The following MINK1 variants were observed in gnomAD, a reference collection of about 807,000 sequenced individuals.
MINK1 encodes the protein misshapen like kinase 1.
A neutral mutation model predicts 178.4 loss-of-function variants in MINK1; 46 were observed. That is an observed-to-expected ratio of 0.26 (90% CI 0.20 to 0.33). The LOEUF is 0.33. MINK1 is among the 10% of genes least tolerant of loss of function. The pLI is 1.00. For missense variants in MINK1, 1,366 were observed against 1,814.9 expected (o/e 0.75, Z 4.49); for synonymous variants, 797 against 709.7 (o/e 1.12, Z -1.96).
intron 1 of MINK1, among the ~76,000 whole-genome samples, chr17:4,877,584 T>C (rs2150976410): frequency 6.6e-6 from 1 of 152,208 alleles, no homozygotes; most frequent in Non-Finnish European, 1.5e-5. Flanking sequence ...AAGATAATAA[T>C]AATGGTCATT....
intron 17 of MINK1, 52 bp downstream of exon 17, chr17:4,892,286 A>G: frequency 6.6e-7 from 1 of 1,517,430 alleles, no homozygotes; most frequent in South Asian, 1.2e-5. Flanking sequence ...CAGCCTAGGG[A>G]GTAGGGGGGG....
At chr17:4,883,554 CAG>C (rs1432291268) in intron 4 of MINK1, among the ~76,000 whole-genome samples, 2 of 151,718 alleles carry the variant, frequency 1.3e-5, no homozygotes, top group Non-Finnish European at 2.9e-5. Flanking sequence ...TTTTTTGAGA[CAG>C]AGTCTCACTC....
chr17:4,833,363 C>T lies in MINK1; in HGVS notation c.-221C>T. ...CCAGTGCGCGGTCGCTCCGCGCCTG[C>T]GCAGGAGAGGTGGTAGGCTCGGGTG... On this transcript the variant is annotated 5_prime_UTR_variant, in exon 1 of 32. Transcript: ENST00000355280. The surrounding 1 kb of genome is among the most constrained non-coding windows in gnomAD (Gnocchi z 4.8). 2.0e-6 allele frequency: 1 copy of T among 497,804 alleles called. No individual in the cohort carries two copies. Among genetic ancestry groups the T allele is most frequent in the East Asian group, 3.7e-5 (1 of 27,280 alleles). 30.8% of individuals were successfully genotyped at this position (497,804 alleles called of 1,614,324 possible).
intron 1 of MINK1, among the ~76,000 whole-genome samples, chr17:4,869,220 G>A (rs893277292): frequency 4.7e-5 from 7 of 150,190 alleles, no homozygotes; most frequent in South Asian, 4.2e-4. Flanking sequence ...CACCGCTCCC[G>A]GCCTAATTTT....
intron 1 of MINK1, among the ~76,000 whole-genome samples, chr17:4,850,670 C>G (rs182313060): frequency 1.3e-5 from 2 of 152,160 alleles, no homozygotes; most frequent in African/African-American, 4.8e-5. Flanking sequence ...TTCTGGAATT[C>G]GAAATCATAT....
chr17:4,894,195 C>G lies in MINK1; in HGVS notation c.2692C>G (p.Leu898Val), dbSNP rs1261696134. Residue 898 changes from leucine (L) to valine (V), a missense_variant, in exon 23 of 32, where the codon CTG becomes GTG. Leu to Val is a conservative substitution (Grantham distance 32). This residue lies in a region of MINK1 where 709 missense variants were observed against 692.3 expected (regional missense o/e 1.02). Transcript: ENST00000355280. This position sits in a 1 kb window ranked among gnomAD's most constrained non-coding sequence, Gnocchi z 4.1. ...VQRTPEEERN[L>V]LHADSNGYTN... is the part of the protein sequence containing the mutation. ...GTAGACCCCTGAAGAGGAGCGGAAC[C>G]TGCTGCATGCTGACAGCAATGGGTA... 3 of 1,613,604 alleles carry G rather than the reference C, an allele frequency of 1.9e-6. No homozygotes were observed. Among genetic ancestry groups the G allele is most frequent in the Non-Finnish European group, 2.5e-6 (3 of 1,179,846 alleles).
Position 4,887,004 on chromosome 17 carries a change from A to C in MINK1, c.950-106A>C. 1 of 1,240,552 alleles carries C rather than the reference A, an allele frequency of 8.1e-7. No individual in the cohort carries two copies. The highest frequency in any genetic ancestry group is 1.1e-6 in the Non-Finnish European group (1 of 884,448). The allele number at this position is 1,240,552 out of a possible 1,614,324, so 76.8% of individuals were successfully genotyped here. ...CCCCAGGAAGTGGGTGGGGCCCCTC[A>C]TGCTTGCCCAGCCAGAGAGACCTGG... On this transcript the variant is annotated intron_variant, in intron 10 of 31. Coordinates refer to ENST00000355280, the MANE Select transcript of MINK1 (RefSeq NM_153827.5). This position sits in a 1 kb window ranked among gnomAD's most constrained non-coding sequence, Gnocchi z 7.6.
chr17:4,872,587 A>T (rs1026268282), intron 1 of MINK1, among the ~76,000 whole-genome samples: 2 of 152,126 alleles, frequency 1.3e-5, no homozygotes, highest in African/African-American at 4.8e-5. Context: ...TTTGACCAAC[A>T]TGGTAAAACC....
chr17:4,889,634 G>C lies in MINK1; in HGVS notation c.1231-13G>C, dbSNP rs1968567332. ...CCGGTATGGTTCTTAAGACCACCTG[G>C]CTCTCCCCACAGCAACAGCGGCGGG... On this transcript the variant is annotated splice_polypyrimidine_tract_variant and intron_variant, in intron 12 of 31. Coordinates refer to ENST00000355280, the MANE Select transcript of MINK1 (RefSeq NM_153827.5). 1.3e-6 allele frequency: 2 copies of C among 1,570,092 alleles called. No individual in the cohort carries two copies. The highest frequency in any genetic ancestry group is 4.7e-5 in the East Asian group (2 of 42,376).
chr17:4,839,939 A>ATGTGTGTGTGTG lies in MINK1; in HGVS notation c.57+6334_57+6345dup, dbSNP rs34473686. Among the ~76,000 whole-genome samples the ATGTGTGTGTGTG allele has an allele frequency of 1.4e-4, 20 of 141,990 alleles. No individual in the cohort carries two copies. The East Asian group carries it at 1.6e-3, about 11-fold the overall frequency. The allele number at this position is 141,990 out of a possible 152,430, so 93.2% of individuals were successfully genotyped here. On this transcript the variant is annotated intron_variant, in intron 1 of 31. Transcript: ENST00000355280. ...ACATTAATCAAGTAATTATTTATTA[A>ATGTGTGTGTGTG]TGTGTGTGTGTGTGTGTGTGTGTGT...
intron 1 of MINK1, among the ~76,000 whole-genome samples, chr17:4,865,772 G>A (rs1016607321): frequency 6.7e-6 from 1 of 148,754 alleles, no homozygotes; most frequent in South Asian, 2.2e-4. Flanking sequence ...GTGTGTGCTT[G>A]TAGTCCCAGT....
rs776556515 is a variant in MINK1 at position 4,893,594 on chromosome 17, G to A, written c.2561G>A (p.Gly854Asp). ...GAGGGGAGCAGAGATACCCCTGGGG[G>A]CCGGTACGGCATCGGGAGTGGGGCC... ...PAEGSRDTPG[G>D]RSDGDTDSVS... is the part of the protein sequence containing the mutation. Residue 854 changes from glycine (G) to aspartate (D), a missense_variant, in exon 21 of 32, where the codon GGC (glycine) becomes GAC (aspartate). Gly to Asp is a moderately conservative substitution (Grantham distance 94). This residue lies in a region of MINK1 where 709 missense variants were observed against 692.3 expected (regional missense o/e 1.02). Transcript: ENST00000355280. The A allele has an allele frequency of 4.6e-6, 7 of 1,533,794 alleles. No homozygotes were observed. In the East Asian group the frequency reaches 9.1e-5, roughly 20 times the overall value.
chr17:4,861,854 T>A (rs1291083115), intron 1 of MINK1, among the ~76,000 whole-genome samples: 1 of 152,188 alleles, frequency 6.6e-6, no homozygotes, highest in East Asian at 1.9e-4. Context: ...AGATAAGACA[T>A]GCTTAGTAAT....
chr17:4,896,293 C>G lies in MINK1; in HGVS notation c.3566C>G (p.Ala1189Gly), dbSNP rs1400695187. ...TATGGCTCCAGTGCTGGCTTCCATG[C>G]TGTGGATGTCGACTCGGGGAACAGC... ...VIYGSSAGFHAVDVDSGNSYD... is the reference protein window; with the variant it reads ...VIYGSSAGFHGVDVDSGNSYD... Residue 1189 changes from alanine (A) to glycine (G), a missense_variant, in exon 29 of 32, where the codon GCT becomes GGT. Ala to Gly is a moderately conservative substitution (Grantham distance 60, BLOSUM62 0). Transcript: ENST00000355280. This position sits in a 1 kb window ranked among gnomAD's most constrained non-coding sequence, Gnocchi z 4.6. 1 of 1,604,236 alleles carries G rather than the reference C, an allele frequency of 6.2e-7. No homozygotes were observed. Among genetic ancestry groups the G allele is most frequent in the African/African-American group, 1.3e-5 (1 of 74,792 alleles).
rs933772615 is a variant in MINK1, at chr17:4,894,862, A to G, written c.2918-213A>G. 10 of 658,728 alleles carry G rather than the reference A, an allele frequency of 1.5e-5. No individual in the cohort carries two copies. In the African/African-American group the frequency reaches 1.8e-4, roughly 12 times the overall value. The allele number at this position is 658,728 out of a possible 1,614,324, so 40.8% of individuals were successfully genotyped here. On this transcript the variant is annotated intron_variant, in intron 24 of 31. Coordinates refer to ENST00000355280, the MANE Select transcript of MINK1 (RefSeq NM_153827.5). This position sits in a 1 kb window ranked among gnomAD's most constrained non-coding sequence, Gnocchi z 4.1. ...GCCAGGGGACCTGGGCAAAGACTCAAAGCTAACAAGTGACAGAAATGGGAC... is the reference window on the plus strand; with the variant it reads ...GCCAGGGGACCTGGGCAAAGACTCAGAGCTAACAAGTGACAGAAATGGGAC...
At position 4,894,988 on chromosome 17, in the gene MINK1, G is replaced by A; in HGVS notation, c.2918-87G>A. 7.1e-7 allele frequency: 1 copy of A among 1,402,132 alleles called. No homozygotes were observed. The highest frequency in any genetic ancestry group is 9.8e-7 in the Non-Finnish European group (1 of 1,018,352). The allele number at this position is 1,402,132 out of a possible 1,614,324, so 86.9% of individuals were successfully genotyped here. A position where few individuals can be genotyped will look rare whatever the true frequency, so the allele number is the denominator to read the frequency against. On this transcript the variant is annotated intron_variant, in intron 24 of 31. Transcript: ENST00000355280. The surrounding 1 kb of genome is among the most constrained non-coding windows in gnomAD (Gnocchi z 4.1). ...TCCTCCTTTCTGCGTATTATGAGGT[G>A]CCAAGACCTGATATAGGGGATGGAG... is the stretch of plus-strand genomic sequence containing the variant.
At position 4,892,153 on chromosome 17, in the gene MINK1, C is replaced by G. The variant is rs1360141819; in HGVS notation, c.2006C>G (p.Pro669Arg). The G allele has an allele frequency of 1.9e-6, 3 of 1,595,478 alleles. No individual in the cohort carries two copies. Among genetic ancestry groups the G allele is most frequent in the Non-Finnish European group, 2.6e-6 (3 of 1,171,996 alleles). The change falls in exon 17 of 32, where the codon CCT becomes CGT. Residue 669 changes from proline (P) to arginine (R), a missense_variant. Pro to Arg is a moderately radical substitution (Grantham distance 103). Around this residue, in one of 14 missense-constraint regions of MINK1, gnomAD observed 709 missense variants for 692.3 expected, o/e 1.02. Coordinates refer to ENST00000355280, the MANE Select transcript of MINK1 (RefSeq NM_153827.5). ...CACGTGGACTTCTCTCCACAGGTGC[C>G]TCAGAGGACCTCATCTATCGCCACT... ...RPDNEAPPKVPQRTSSIATAL... is the reference protein window; with the variant it reads ...RPDNEAPPKVRQRTSSIATAL...
intron 1 of MINK1, among the ~76,000 whole-genome samples, chr17:4,871,484 T>TGAGCCACCACACCTGGCCTAAAA (rs1296493063): frequency 2.0e-4 from 30 of 152,096 alleles, no homozygotes; most frequent in Admixed American, 1.7e-3. Flanking sequence ...AGTGCTGGGG[T>TGAGCCACCACACCTGGCCTAAAA]TATAGACATG....
At position 4,896,793 on chromosome 17, in the gene MINK1, C is replaced by T. The variant is rs955944400; in HGVS notation, c.3895C>T (p.Leu1299=). ...MHKRAQRLKF[L]CERNDKVFFA... ...CAAACGAGCTCAGAGGCTCAAGTTC[C>T]TGTGTGAGCGGAATGACAAGGTGGG... is the stretch of plus-strand genomic sequence containing the variant. The change falls in exon 31 of 32, where the codon CTG becomes TTG. Residue 1299 remains leucine (L), a synonymous_variant. Transcript: ENST00000355280. The surrounding 1 kb of genome is among the most constrained non-coding windows in gnomAD (Gnocchi z 4.6). The T allele has an allele frequency of 6.4e-7, 1 of 1,572,466 alleles. No individual in the cohort carries two copies. Among genetic ancestry groups the T allele is most frequent in the Non-Finnish European group, 8.6e-7 (1 of 1,159,724 alleles).
Sources: allele counts gnomAD v4.1 joint callset (sites outside exome capture counted in the v4.1 genomes callset), GRCh38; gene constraint gnomAD v4.1.1; regional missense constraint gnomAD v4.1.1; non-coding constraint Gnocchi (gnomAD v3.1); transcripts MANE v1.5; gene names NCBI Gene and HGNC (gene_info 2026-07-23, HGNC 2026-07-21).